Variants in FAM193A observed in about 807,000 individuals in gnomAD.
FAM193A encodes the protein family with sequence similarity 193 member A.
In FAM193A, 22 loss-of-function variants were observed where a neutral mutation model predicts 126.5. That is an observed-to-expected ratio of 0.17 (90% confidence interval 0.12 to 0.25). FAM193A has a LOEUF of 0.25. Ranked by LOEUF, FAM193A falls within the 10% of genes least tolerant of loss-of-function variation. The probability of loss-of-function intolerance (pLI) is 1.00; values close to 1 mark genes in which losing one functional copy is unlikely to be tolerated. For missense variants in FAM193A, 1,675 were observed against 1,672.8 expected (o/e 1.00, Z -0.02); for synonymous variants, 761 against 646.8 (o/e 1.18, Z -2.68).
At chr4:2,548,977 C>T (rs1210532030) in intron 1 of FAM193A, among the ~76,000 whole-genome samples, 2 of 151,506 alleles carry the variant, frequency 1.3e-5, no homozygotes, top group East Asian at 1.9e-4. Flanking sequence ...CTCATTCTGT[C>T]GCCCAGGCTG....
Position 2,607,116 on chromosome 4 carries a change from G to A in FAM193A, c.501+10787G>A, listed in dbSNP as rs138498991. Among the ~76,000 whole-genome samples, 49 of 152,314 alleles carry A rather than the reference G, an allele frequency of 3.2e-4. 1 individual carries two copies. Among genetic ancestry groups the A allele is most frequent in the African/African-American group, 8.4e-4 (35 of 41,570 alleles). ...AGGCGGACTCTTCCTGGGGCGTGCC[G>A]GAGAAATAAATGCTCTGTGTATACT... On this transcript the variant is annotated intron_variant, in intron 2 of 20. Coordinates refer to ENST00000637812, the MANE Select transcript of FAM193A (RefSeq NM_001366318.2).
intron 1 of FAM193A, among the ~76,000 whole-genome samples, chr4:2,567,750 G>A (rs532346597): frequency 3.4e-4 from 51 of 152,214 alleles, no homozygotes; most frequent in Non-Finnish European, 4.6e-4. Flanking sequence ...GCCATGCCCA[G>A]ATGAACAGGC....
intron 1 of FAM193A, among the ~76,000 whole-genome samples, chr4:2,539,551 T>A (rs2108799160): frequency 6.6e-6 from 1 of 152,104 alleles, no homozygotes; most frequent in East Asian, 2.0e-4. Flanking sequence ...GGCCTCTAGG[T>A]ATGTGCCACC....
chr4:2,696,242 AT>A (rs1717020822), intron 17 of FAM193A, 120 bp from the exon 18 acceptor site: 2 of 681,244 alleles, frequency 2.9e-6, no homozygotes, highest in East Asian at 2.8e-5. Flanking sequence ...GTATTTCCTT[AT>A]TTTTCACAAC....
chr4:2,659,641 C>T lies in FAM193A; in HGVS notation c.1473C>T (p.Pro491=), dbSNP rs748428684. The T allele has an allele frequency of 1.1e-5, 18 of 1,613,958 alleles. 1 individual carries two copies. In the Middle Eastern group the frequency reaches 9.9e-4, roughly 88 times the overall value. Reference sequence around the variant, plus strand: ...TGTTATCGTCCCGGCTGAGCATGCCCGACTGCCCCAACTGCAACTACAGGA... The same window carrying T: ...TGTTATCGTCCCGGCTGAGCATGCCTGACTGCCCCAACTGCAACTACAGGA... ...RHMLSSRLSM[P]DCPNCNYRRR... The change falls in exon 9 of 21, where the codon CCC becomes CCT. Residue 491 remains proline (P), a synonymous_variant. Coordinates refer to ENST00000637812, the MANE Select transcript of FAM193A (RefSeq NM_001366318.2).
At chr4:2,600,693 C>T (rs946058091) in intron 2 of FAM193A, among the ~76,000 whole-genome samples, 2 of 151,944 alleles carry the variant, frequency 1.3e-5, no homozygotes, top group African/African-American at 4.9e-5. Context: ...TCTTTCCTCT[C>T]CAAGGCCCAC....
chr4:2,650,451 C>G (rs150828777), intron 7 of FAM193A, among the ~76,000 whole-genome samples: 8 of 152,280 alleles, frequency 5.3e-5, no homozygotes, highest in African/African-American at 1.2e-4. Context: ...GGCTCACTCT[C>G]GTCACCGGGG....
chr4:2,713,722 G>A (rs891110172), intron 19 of FAM193A, among the ~76,000 whole-genome samples: 6 of 152,186 alleles, frequency 3.9e-5, no homozygotes, highest in Non-Finnish European at 5.9e-5. Context: ...CAGGGCTCCC[G>A]CTTGCCTCTG....
In FAM193A at chr4:2,665,692, T is replaced by TA. The variant is rs1174741821; in HGVS notation, c.2079+2413dup. On this transcript the variant is annotated intron_variant, in intron 12 of 20. Transcript: ENST00000637812. ...AGGCATGCGCCACCACGCCCAGCTT[T>TA]AAAAAAAAACTTTCTGTAGAGAGAG... Among the ~76,000 whole-genome samples the TA allele has an allele frequency of 8.6e-5, 13 of 151,698 alleles. No homozygotes were observed. In the South Asian group the frequency reaches 1.0e-3, roughly 12 times the overall value.
chr4:2,682,287 A>G (rs1399315893), intron 13 of FAM193A, among the ~76,000 whole-genome samples: 4 of 152,144 alleles, frequency 2.6e-5, no homozygotes, highest in African/African-American at 9.7e-5. Context: ...TCAGGGTTTC[A>G]TATGTAAAGC....
At chr4:2,572,454 C>T (rs1328930412) in intron 1 of FAM193A, among the ~76,000 whole-genome samples, 1 of 152,154 alleles carries the variant, frequency 6.6e-6, no homozygotes, top group African/African-American at 2.4e-5. Context: ...ACAGTGCTCG[C>T]TGCAGTGGGG....
chr4:2,541,949 C>A (rs1225559460), intron 1 of FAM193A, among the ~76,000 whole-genome samples: 2 of 151,838 alleles, frequency 1.3e-5, no homozygotes, highest in Non-Finnish European at 2.9e-5. Flanking sequence ...CTCCTGAGTT[C>A]AAGTGATTCT....
intron 1 of FAM193A, among the ~76,000 whole-genome samples, chr4:2,551,821 G>A (rs527518984): frequency 6.6e-6 from 1 of 151,032 alleles, no homozygotes; most frequent in Non-Finnish European, 1.5e-5. Flanking sequence ...CTTTGGGTTT[G>A]TTTTTTATTT....
At chr4:2,537,617 C>G (rs1736966110) in intron 1 of FAM193A, among the ~76,000 whole-genome samples, 1 of 152,252 alleles carries the variant, frequency 6.6e-6, no homozygotes, top group Non-Finnish European at 1.5e-5. Flanking sequence ...GACTGCGATT[C>G]CGGGAGTGAG....
chr4:2,676,654 A>T (rs1258605258), intron 13 of FAM193A, among the ~76,000 whole-genome samples: 4 of 152,180 alleles, frequency 2.6e-5, no homozygotes, highest in African/African-American at 9.6e-5. Flanking sequence ...ACATTTAAAA[A>T]TTTTTCAGCC....
Position 2,632,608 on chromosome 4 carries a change from T to A in FAM193A, c.1038+1439T>A, listed in dbSNP as rs1288083088. Among the ~76,000 whole-genome samples, 3 of 146,802 alleles carry A rather than the reference T, an allele frequency of 2.0e-5. No individual in the cohort carries two copies. The East Asian group carries it at 6.0e-4, about 30-fold the overall frequency. On this transcript the variant is annotated intron_variant, in intron 5 of 20. Transcript: ENST00000637812. ...AGTCATTTCAGGGGGTTCACAGACTTCCTCAAGCTTCACTGCGCCAAGCCA... is the reference window on the plus strand; with the variant it reads ...AGTCATTTCAGGGGGTTCACAGACTACCTCAAGCTTCACTGCGCCAAGCCA...
At chr4:2,563,666 G>T (rs757277505) in intron 1 of FAM193A, among the ~76,000 whole-genome samples, 4 of 152,186 alleles carry the variant, frequency 2.6e-5, no homozygotes, top group African/African-American at 9.7e-5. Flanking sequence ...TTCTGTGCAA[G>T]CTCTTCATTG....
Position 2,626,439 on chromosome 4 carries a change from C to G in FAM193A, c.665C>G (p.Pro222Arg). Residue 222 changes from proline (P) to arginine (R), a missense_variant, in exon 4 of 21, where the codon CCT becomes CGT. Around this residue, in one of 4 missense-constraint regions of FAM193A, gnomAD observed 1,186 missense variants for 1,109.2 expected, o/e 1.07. Coordinates refer to ENST00000637812, the MANE Select transcript of FAM193A (RefSeq NM_001366318.2). The part of the protein sequence containing the change: ...REISAEADRE[P>R]QQLQNYWSEV... ...ATTTCGGCAGAGGCGGACCGGGAAC[C>G]TCAGCAGCTGCAGAACTACTGGTCA... 1 of 700,534 alleles carries G rather than the reference C, an allele frequency of 1.4e-6. No individual in the cohort carries two copies. The highest frequency in any genetic ancestry group is 2.6e-6 in the Non-Finnish European group (1 of 382,982). The allele number at this position is 700,534 out of a possible 1,614,324, so 43.4% of individuals were successfully genotyped here.
At chr4:2,594,873 G>A (rs1478801034) in intron 1 of FAM193A, among the ~76,000 whole-genome samples, 1 of 108,704 alleles carries the variant, frequency 9.2e-6, no homozygotes, top group Non-Finnish European at 1.7e-5. Flanking sequence ...CTATTGCCCA[G>A]GCTGGAATGC....
Sources: gnomAD v4.1 joint callset for allele counts (sites outside exome capture counted in the v4.1 genomes callset) on GRCh38, gnomAD v4.1.1 for gene constraint, gnomAD v4.1.1 regional missense constraint, MANE v1.5 for transcripts, NCBI Gene and HGNC (gene_info 2026-07-23, HGNC 2026-07-21) for gene names.